The following AFF3 variants were observed in gnomAD, a reference collection of about 807,000 sequenced individuals.
AFF3 encodes AF4/FMR2 family member 3.
A neutral mutation model predicts 129.7 loss-of-function variants in AFF3; 32 were observed. The ratio of observed to expected loss-of-function variants is 0.25; its 90% CI spans 0.19 to 0.33. The LOEUF (loss-of-function observed/expected upper bound fraction) is 0.33. Ranked by LOEUF, AFF3 falls within the 10% of genes least tolerant of loss-of-function variation. The pLI is 1.00. For missense variants in AFF3, 1,373 were observed against 1,592.0 expected (o/e 0.86, Z 2.34); for synonymous variants, 644 against 635.4 (o/e 1.01, Z -0.20).
At chr2:99,762,339 G>A (rs1184052307) in intron 8 of AFF3, among the ~76,000 whole-genome samples, 2 of 151,998 alleles carry the variant, frequency 1.3e-5, no homozygotes, top group African/African-American at 4.8e-5. Flanking sequence ...TGGCCAGGCT[G>A]GTCTCAAACT....
At chr2:99,614,983 C>T (rs1359910039) in intron 13 of AFF3, among the ~76,000 whole-genome samples, 2 of 152,134 alleles carry the variant, frequency 1.3e-5, no homozygotes, top group Non-Finnish European at 2.9e-5. Context: ...CCCAAATATT[C>T]CTGGGCTTAC....
At chr2:100,119,200 G>C (rs927073700) in intron 2 of AFF3, among the ~76,000 whole-genome samples, 12 of 152,200 alleles carry the variant, frequency 7.9e-5, no homozygotes, top group Non-Finnish European at 1.3e-4. Flanking sequence ...AATTGCTCCA[G>C]TTGTCTTAAT....
chr2:99,991,811 G>C (rs1680366018), intron 7 of AFF3, among the ~76,000 whole-genome samples: 1 of 152,020 alleles, frequency 6.6e-6, no homozygotes, highest in South Asian at 2.1e-4. Flanking sequence ...GCTGAGGCAG[G>C]AGAATTGCTT....
chr2:99,674,475 T>C (rs954042864), intron 11 of AFF3, among the ~76,000 whole-genome samples: 2 of 152,174 alleles, frequency 1.3e-5, no homozygotes, highest in Non-Finnish European at 2.9e-5. Context: ...CACAGATTTC[T>C]TCCTAATGAA....
chr2:100,127,356 G>C (rs574188171), intron 2 of AFF3, among the ~76,000 whole-genome samples: 46 of 152,298 alleles, frequency 3.0e-4, no homozygotes, highest in Non-Finnish European at 5.0e-4. Context: ...TGATGTGGGT[G>C]GGGGTGAAGG....
At position 99,865,078 on chromosome 2, in the gene AFF3, G is replaced by C. The variant is rs556489661; in HGVS notation, c.874-27554C>G. Among the ~76,000 whole-genome samples, 17 of 152,350 alleles carry C rather than the reference G, an allele frequency of 1.1e-4. No homozygotes were observed. In the South Asian group the frequency reaches 3.1e-3, roughly 28 times the overall value. On this transcript the variant is annotated intron_variant, in intron 7 of 24. Coordinates refer to ENST00000672756, the MANE Select transcript of AFF3 (RefSeq NM_001386135.1). ...CTGCAACACTCAGTGTATTTGCTGA[G>C]CCCAAACTGCTGAGAACATGTGGTG...
intron 4 of AFF3, among the ~76,000 whole-genome samples, chr2:100,087,716 T>A (rs1352070166): frequency 6.6e-6 from 1 of 151,838 alleles, no homozygotes; most frequent in African/African-American, 2.4e-5. Flanking sequence ...CAACTGTTTC[T>A]GAAAAAGGAA....
chr2:99,761,276 AATG>A (rs1329871234), intron 8 of AFF3, among the ~76,000 whole-genome samples: 2 of 151,966 alleles, frequency 1.3e-5, no homozygotes, highest in African/African-American at 4.8e-5. Context: ...TAGATGGTTA[AATG>A]ATAAGGACAC....
intron 12 of AFF3, among the ~76,000 whole-genome samples, chr2:99,670,361 A>T (rs1438306562): frequency 6.9e-6 from 1 of 145,836 alleles, no homozygotes; most frequent in Non-Finnish European, 1.5e-5. Context: ...TCACAAAGAC[A>T]GCCAGATATA....
intron 19 of AFF3, among the ~76,000 whole-genome samples, 178 bp downstream of exon 19, chr2:99,568,674 G>C (rs1299735712): frequency 2.0e-5 from 3 of 152,092 alleles, no homozygotes; most frequent in African/African-American, 7.2e-5. Flanking sequence ...AGGCATTATT[G>C]GTTGAAGTCA....
At chr2:99,879,359 T>C (rs1434622263) in intron 7 of AFF3, among the ~76,000 whole-genome samples, 1 of 152,220 alleles carries the variant, frequency 6.6e-6, no homozygotes, top group African/African-American at 2.4e-5. Context: ...ACAGGGACCA[T>C]GTTTGTATCT....
chr2:99,672,652 G>A, intron 11 of AFF3, 63 bp from the exon 12 acceptor site: 1 of 1,464,840 alleles, frequency 6.8e-7, no homozygotes, highest in East Asian at 2.3e-5. Flanking sequence ...GAATAATTCA[G>A]CACCAAAATA....
Position 99,980,434 on chromosome 2 carries a change from T to C in AFF3, c.873+26198A>G, listed in dbSNP as rs115044080. Among the ~76,000 whole-genome samples, 582 of 152,328 alleles carry C rather than the reference T, an allele frequency of 3.8e-3. 5 individuals carry two copies. The highest frequency in any genetic ancestry group is 0.013 in the African/African-American group (546 of 41,572). On this transcript the variant is annotated intron_variant, in intron 7 of 24. Coordinates refer to ENST00000672756, the MANE Select transcript of AFF3 (RefSeq NM_001386135.1). The stretch of plus-strand genomic sequence containing the variant: ...CAGAAACAACTGTGCTGGAGGGACA[T>C]GAAGAAAGGCAATGATTTCTCTTTC...
intron 10 of AFF3, among the ~76,000 whole-genome samples, chr2:99,735,191 A>C (rs1342704295): frequency 6.6e-6 from 1 of 152,032 alleles, no homozygotes; most frequent in African/African-American, 2.4e-5. Context: ...CACATAACAT[A>C]TTTTTGTTCT....
chr2:100,121,316 G>C (rs1166364460), intron 2 of AFF3, among the ~76,000 whole-genome samples: 1 of 152,224 alleles, frequency 6.6e-6, no homozygotes, highest in Non-Finnish European at 1.5e-5. Context: ...GAGAGAAGTG[G>C]TTTGACTTCA....
intron 13 of AFF3, among the ~76,000 whole-genome samples, chr2:99,629,118 A>G (rs1184636144): frequency 1.3e-5 from 2 of 152,162 alleles, no homozygotes; most frequent in Non-Finnish European, 2.9e-5. Flanking sequence ...TCGGCCTCCC[A>G]AAGTGCTGGG....
intron 4 of AFF3, among the ~76,000 whole-genome samples, chr2:100,046,367 C>T (rs1225286232): frequency 1.3e-5 from 2 of 152,116 alleles, no homozygotes; most frequent in Non-Finnish European, 2.9e-5. Context: ...GTTCTTAAAC[C>T]ATTAATCTAC....
intron 8 of AFF3, among the ~76,000 whole-genome samples, chr2:99,761,754 T>C (rs933741789): frequency 1.3e-5 from 2 of 152,212 alleles, no homozygotes; most frequent in African/African-American, 2.4e-5. Flanking sequence ...AAAACACTTT[T>C]CCTGGTCTCT....
chr2:99,628,442 C>T (rs1682800743), intron 13 of AFF3, among the ~76,000 whole-genome samples: 2 of 152,152 alleles, frequency 1.3e-5, no homozygotes, highest in African/African-American at 4.8e-5. Context: ...TGCTCATCAG[C>T]TTAAGAAGCT....
Sources: allele counts gnomAD v4.1 joint callset (sites outside exome capture counted in the v4.1 genomes callset), GRCh38; gene constraint gnomAD v4.1.1; transcripts MANE v1.5; gene names NCBI Gene and HGNC (gene_info 2026-07-23, HGNC 2026-07-21).